Variants in NRG3 observed in about 807,000 individuals in gnomAD.
NRG3 encodes the protein pro-neuregulin-3, membrane-bound isoform.
NRG3 carries 31 observed loss-of-function variants against 66.9 expected under a neutral mutation model. That is an observed-to-expected ratio of 0.46 (90% CI 0.35 to 0.63). NRG3 has a LOEUF of 0.63. NRG3 is among the 20% of genes least tolerant of loss of function. NRG3 has a pLI of 0.00. For missense variants in NRG3, 910 were observed against 878.9 expected (o/e 1.04, Z -0.45); for synonymous variants, 393 against 359.4 (o/e 1.09, Z -1.06).
chr10:82,627,045 A>G (rs906500810), intron 2 of NRG3, among the ~76,000 whole-genome samples: 1 of 151,814 alleles, frequency 6.6e-6, no homozygotes, highest in Non-Finnish European at 1.5e-5. Context: ...AGTTTAAATA[A>G]CTCTACAGTG....
At chr10:82,377,956 C>G (rs1450145573) in intron 2 of NRG3, among the ~76,000 whole-genome samples, 1 of 152,212 alleles carries the variant, frequency 6.6e-6, no homozygotes, top group African/African-American at 2.4e-5. Flanking sequence ...ATTTGACCAT[C>G]ATTTCTTTTA....
chr10:82,851,011 C>T (rs1489071891), intron 3 of NRG3, among the ~76,000 whole-genome samples: 2 of 152,096 alleles, frequency 1.3e-5, no homozygotes, highest in Non-Finnish European at 2.9e-5. Flanking sequence ...GCTTCAGCTG[C>T]ATCTCTAAAA....
chr10:81,923,306 C>A (rs529406931), intron 1 of NRG3, among the ~76,000 whole-genome samples: 1 of 152,020 alleles, frequency 6.6e-6, no homozygotes, highest in Non-Finnish European at 1.5e-5. Context: ...CCCGGGTTCA[C>A]GCCATTCTCC....
chr10:82,599,865 A>G (rs77353358), intron 2 of NRG3, among the ~76,000 whole-genome samples: 3,024 of 152,226 alleles, frequency 0.02, 41 homozygotes, highest in Non-Finnish European at 0.028. Flanking sequence ...AAAAGAATGA[A>G]TCAATCCAAA....
At chr10:82,169,052 C>T (rs1316617127) in intron 1 of NRG3, among the ~76,000 whole-genome samples, 1 of 152,032 alleles carries the variant, frequency 6.6e-6, no homozygotes, top group Non-Finnish European at 1.5e-5. Context: ...ATGAAGTTGA[C>T]CTCAGTACTG....
In NRG3 at chr10:82,106,056, A is replaced by G. The variant is rs182893826; in HGVS notation, c.823+229893A>G. Among the ~76,000 whole-genome samples, 45 of 152,302 alleles carry G rather than the reference A, an allele frequency of 3.0e-4. 1 individual carries two copies. The highest frequency in any genetic ancestry group is 4.9e-4 in the Non-Finnish European group (33 of 68,018). ...GATTTAGTGAGCACATCTATTTCCA[A>G]TACTTTCCACTAACCTTGTATTGAC... On this transcript the variant is annotated intron_variant, in intron 1 of 8. Transcript: ENST00000372141.
chr10:82,813,539 A>T (rs1248808298), intron 3 of NRG3, among the ~76,000 whole-genome samples: 1 of 152,120 alleles, frequency 6.6e-6, no homozygotes, highest in Non-Finnish European at 1.5e-5. Context: ...AAGTCTTAGT[A>T]TATTGCATTA....
chr10:82,338,018 G>A (rs988218130), intron 1 of NRG3, among the ~76,000 whole-genome samples: 2 of 152,204 alleles, frequency 1.3e-5, no homozygotes, highest in Non-Finnish European at 2.9e-5. Flanking sequence ...ATGTACATAT[G>A]CTTCATGTGC....
At chr10:82,628,664 A>C (rs899156198) in intron 2 of NRG3, among the ~76,000 whole-genome samples, 1 of 152,108 alleles carries the variant, frequency 6.6e-6, no homozygotes, top group Non-Finnish European at 1.5e-5. Context: ...AGCTTGTTGA[A>C]TTCCAGGCAC....
chr10:82,944,250 C>G (rs2132292123), intron 4 of NRG3, among the ~76,000 whole-genome samples: 1 of 152,202 alleles, frequency 6.6e-6, no homozygotes, highest in South Asian at 2.1e-4. Flanking sequence ...CAAAACAAAA[C>G]AAAAAACATA....
rs547081323 is a variant in NRG3, at chr10:82,504,375, T to C, written c.953+145507T>C. Among the ~76,000 whole-genome samples the C allele has an allele frequency of 3.9e-5, 6 of 152,292 alleles. No individual in the cohort carries two copies. In the South Asian group the frequency reaches 1.2e-3, roughly 32 times the overall value. ...GGCCCTTTTCCTCAGCATAGCATTT[T>C]TTTTCCTGGGTATTATGGATGAGTT... On this transcript the variant is annotated intron_variant, in intron 2 of 8. Transcript: ENST00000372141.
intron 1 of NRG3, among the ~76,000 whole-genome samples, chr10:82,262,473 C>T (rs952020585): frequency 6.6e-6 from 1 of 152,194 alleles, no homozygotes; most frequent in African/African-American, 2.4e-5. Context: ...TTTGTTCTCA[C>T]AGTATTTTCT....
At chr10:82,094,659 G>GAT (rs1564555799) in intron 1 of NRG3, among the ~76,000 whole-genome samples, 2 of 151,978 alleles carry the variant, frequency 1.3e-5, no homozygotes, top group African/African-American at 4.8e-5. Context: ...TTCATGGCGA[G>GAT]ATATATATAT....
chr10:82,249,798 T>C (rs994761502), intron 1 of NRG3, among the ~76,000 whole-genome samples: 3 of 152,208 alleles, frequency 2.0e-5, no homozygotes, highest in African/African-American at 4.8e-5. Context: ...TTTCGTCTTT[T>C]CAAAAGTAAC....
intron 2 of NRG3, among the ~76,000 whole-genome samples, chr10:82,545,742 A>C (rs1255765643): frequency 6.6e-6 from 1 of 150,816 alleles, no homozygotes; most frequent in Non-Finnish European, 1.5e-5. Context: ...CTTGCAGCAT[A>C]ACAGACGTAT....
At chr10:82,339,372 C>T (rs2082560114) in intron 1 of NRG3, among the ~76,000 whole-genome samples, 1 of 152,108 alleles carries the variant, frequency 6.6e-6, no homozygotes, top group African/African-American at 2.4e-5. Flanking sequence ...CCTCAGGAAA[C>T]TTACAATCAC....
chr10:81,917,956 T>C (rs778686252), intron 1 of NRG3, among the ~76,000 whole-genome samples: 82 of 152,300 alleles, frequency 5.4e-4, no homozygotes, highest in South Asian at 6.2e-4. Flanking sequence ...ATGAGTTTAA[T>C]ACAATGGAAT....
chr10:82,348,784 T>C (rs1364768691), intron 1 of NRG3, among the ~76,000 whole-genome samples: 1 of 151,742 alleles, frequency 6.6e-6, no homozygotes, highest in Non-Finnish European at 1.5e-5. Flanking sequence ...TTCTTTTTTC[T>C]CTAAACTTCC....
intron 4 of NRG3, among the ~76,000 whole-genome samples, chr10:82,898,847 T>G (rs1459975137): frequency 2.0e-5 from 3 of 148,214 alleles, no homozygotes; most frequent in African/African-American, 7.5e-5. Context: ...TCAGCCTCCC[T>G]AGTAGTTGGG....
Sources: gnomAD v4.1 joint callset for allele counts (sites outside exome capture counted in the v4.1 genomes callset) on GRCh38, gnomAD v4.1.1 for gene constraint, MANE v1.5 for transcripts, NCBI Gene and HGNC (gene_info 2026-07-23, HGNC 2026-07-21) for gene names.